The following CCDC7 variants were observed in gnomAD, a reference collection of about 807,000 sequenced individuals.
CCDC7 encodes coiled-coil domain-containing protein 7.
In CCDC7, 183 loss-of-function variants were observed where a neutral mutation model predicts 196.9. That is an observed-to-expected ratio of 0.93 (90% CI 0.82 to 1.05). CCDC7 has a LOEUF of 1.05. Among genes scored for constraint, CCDC7 ranks in the 50% least tolerant of loss-of-function variants. CCDC7 has a pLI of 0.00. For synonymous variants in CCDC7, 525 were observed against 484.6 expected (o/e 1.08, Z -1.10); for missense variants, 1,540 against 1,482.2 (o/e 1.04, Z -0.64).
At chr10:32,860,182 G>A (rs541253677) in intron 41 of CCDC7, among the ~76,000 whole-genome samples, 12 of 152,190 alleles carry the variant, frequency 7.9e-5, no homozygotes, top group African/African-American at 2.2e-4. Flanking sequence ...CTGGCAAACC[G>A]AATCCAGCAG....
chr10:32,711,646 C>G (rs764380172), exon 25 of CCDC7: 1 of 1,589,930 alleles, frequency 6.3e-7, no homozygotes, highest in Non-Finnish European at 8.5e-7. Flanking sequence ...AGGTGAAAAT[C>G]CTATGCTTAA....
intron 13 of CCDC7, among the ~76,000 whole-genome samples, chr10:32,559,936 C>T (rs376924294): frequency 9.2e-5 from 14 of 152,018 alleles, no homozygotes; most frequent in East Asian, 5.8e-4. Flanking sequence ...AAAATTTAGA[C>T]GAATGTATAA....
intron 20 of CCDC7, among the ~76,000 whole-genome samples, chr10:32,644,436 G>T (rs769761706): frequency 1.3e-5 from 2 of 152,120 alleles, no homozygotes; most frequent in Admixed American, 1.3e-4. Flanking sequence ...ATATGAGTGA[G>T]ATCATATGGA....
At chr10:32,594,133 G>T (rs181446086) in intron 18 of CCDC7, among the ~76,000 whole-genome samples, 5 of 152,062 alleles carry the variant, frequency 3.3e-5, no homozygotes, top group Admixed American at 6.6e-5. Context: ...TATAAATTAC[G>T]TTGGGCAGTA....
intron 21 of CCDC7, among the ~76,000 whole-genome samples, chr10:32,668,412 T>C (rs950840490): frequency 1.3e-5 from 2 of 152,126 alleles, no homozygotes; most frequent in African/African-American, 2.4e-5. Context: ...CTATGTTGGA[T>C]AGGAGTGGTG....
chr10:32,807,472 A>AT (rs2086079100), intron 30 of CCDC7, among the ~76,000 whole-genome samples: 1 of 152,120 alleles, frequency 6.6e-6, no homozygotes, highest in Non-Finnish European at 1.5e-5. Context: ...ATACAAAAAA[A>AT]CAAATTTGGG....
chr10:32,648,839 G>A (rs1009017820), intron 20 of CCDC7, among the ~76,000 whole-genome samples: 1 of 151,938 alleles, frequency 6.6e-6, no homozygotes, highest in African/African-American at 2.4e-5. Context: ...AATGTCCTTT[G>A]TCAACTTTTT....
chr10:32,564,587 T>G (rs2056432469), intron 13 of CCDC7, among the ~76,000 whole-genome samples: 1 of 140,084 alleles, frequency 7.1e-6, no homozygotes, highest in African/African-American at 2.7e-5. Context: ...CACTCATAGG[T>G]GGGAATTGAA....
intron 30 of CCDC7, 49 bp from the exon 32 acceptor site, chr10:32,814,321 T>C (rs777053230): frequency 8.1e-7 from 1 of 1,227,874 alleles, no homozygotes; most frequent in Non-Finnish European, 1.2e-6. Flanking sequence ...GTCACATTTG[T>C]GTATAAATGA....
At chr10:32,576,329 A>G (rs925557344) in intron 16 of CCDC7, among the ~76,000 whole-genome samples, 9 of 151,642 alleles carry the variant, frequency 5.9e-5, no homozygotes, top group Admixed American at 1.3e-4. Flanking sequence ...GAAAAGGAGT[A>G]TACTATTCCT....
chr10:32,709,275 A>G (rs1031643340), intron 24 of CCDC7, among the ~76,000 whole-genome samples: 4 of 141,778 alleles, frequency 2.8e-5, no homozygotes, highest in African/African-American at 1.0e-4. Context: ...GAACAATGAG[A>G]ACACTTGGAC....
chr10:32,717,846 A>T (rs1201270358), intron 25 of CCDC7, among the ~76,000 whole-genome samples: 5 of 151,516 alleles, frequency 3.3e-5, no homozygotes, highest in African/African-American at 1.2e-4. Context: ...TGAATCCCTG[A>T]ATAGACCAAT....
intron 9 of CCDC7, chr10:32,499,085 C>G (rs141109551): frequency 8.6e-6 from 1 of 116,824 alleles, no homozygotes; most frequent in Non-Finnish European, 1.8e-5. Context: ...TTGTTTGTTT[C>G]TTTTTTTTTT....
intron 18 of CCDC7, among the ~76,000 whole-genome samples, chr10:32,615,170 A>T (rs2062643286): frequency 6.6e-6 from 1 of 151,974 alleles, no homozygotes; most frequent in South Asian, 2.1e-4. Flanking sequence ...TTGTATAATG[A>T]TTTTTCCCTT....
chr10:32,639,744 C>T (rs2066366479), intron 20 of CCDC7, among the ~76,000 whole-genome samples: 1 of 151,854 alleles, frequency 6.6e-6, no homozygotes, highest in Non-Finnish European at 1.5e-5. Flanking sequence ...TCTCCTGCCT[C>T]AGCCTCTCCG....
At chr10:32,721,523 A>G (rs181931243) in intron 25 of CCDC7, among the ~76,000 whole-genome samples, 25 of 152,282 alleles carry the variant, frequency 1.6e-4, no homozygotes, top group African/African-American at 6.0e-4. Context: ...TACTGGTAAC[A>G]TAATATATGG....
intron 18 of CCDC7, among the ~76,000 whole-genome samples, chr10:32,601,863 AG>A (rs1312411800): frequency 2.0e-5 from 3 of 152,218 alleles, no homozygotes; most frequent in African/African-American, 7.2e-5. Context: ...TGCACCAGTC[AG>A]CACTCTGTAA....
At position 32,501,339 on chromosome 10, in the gene CCDC7, C is replaced by T. The variant is rs183504536; in HGVS notation, c.872+9342C>T. Among the ~76,000 whole-genome samples the T allele has an allele frequency of 5.0e-3, 762 of 152,142 alleles. 8 individuals are homozygous for T. The highest frequency in any genetic ancestry group is 0.017 in the African/African-American group (689 of 41,510). On this transcript the variant is annotated intron_variant, in intron 9 of 41. Transcript: ENST00000639629. ...TGGGTTAGAACATGCTCCTTTAGCT[C>T]AGAGGAGTTTGTTATTACCCACCTT...
At chr10:32,632,852 C>T (rs940856916) in intron 18 of CCDC7, among the ~76,000 whole-genome samples, 30 of 152,200 alleles carry the variant, frequency 2.0e-4, no homozygotes, top group African/African-American at 7.2e-4. Flanking sequence ...TGATTTATGG[C>T]CTAACATATT....
Sources: allele counts gnomAD v4.1 joint callset (sites outside exome capture counted in the v4.1 genomes callset), GRCh38; gene constraint gnomAD v4.1.1; transcripts MANE v1.5; gene names NCBI Gene and HGNC (gene_info 2026-07-23, HGNC 2026-07-21).